PLD5: variants seen among roughly 807,000 people sequenced by gnomAD.
PLD5 encodes the protein inactive phospholipase D5.
A neutral mutation model predicts 61.1 loss-of-function variants in PLD5; 36 were observed. That is an observed-to-expected ratio of 0.59 (90% confidence interval 0.45 to 0.78). PLD5 has a LOEUF of 0.78. Among genes scored for constraint, PLD5 ranks in the 30% least tolerant of loss-of-function variants. The pLI is 0.00. For missense variants in PLD5, 515 were observed against 644.4 expected (o/e 0.80, Z 2.17); for synonymous variants, 243 against 242.8 (o/e 1.00, Z -0.01).
chr1:242,318,904 G>A (rs144309986), intron 2 of PLD5, among the ~76,000 whole-genome samples: 1,889 of 152,260 alleles, frequency 0.012, 117 homozygotes, highest in Admixed American at 0.11. Flanking sequence ...ACAGAGGTAG[G>A]AGAGGCTAAA....
chr1:242,393,732 A>T (rs1050202851), intron 1 of PLD5, among the ~76,000 whole-genome samples: 2 of 144,644 alleles, frequency 1.4e-5, no homozygotes, highest in Non-Finnish European at 3.0e-5. Flanking sequence ...ATATGTGTGT[A>T]TATATGAGTA....
intron 5 of PLD5, among the ~76,000 whole-genome samples, chr1:242,135,162 C>T (rs931240483): frequency 3.9e-5 from 6 of 152,100 alleles, no homozygotes; most frequent in Non-Finnish European, 8.8e-5. Flanking sequence ...TGTGTGTATA[C>T]AGACATATGT....
Position 242,399,955 on chromosome 1 carries a change from G to A in PLD5, c.190-51713C>T, listed in dbSNP as rs148236260. ...AGGCTGAGGATGGTGGATCACTTGAGGTCAGGAGTTCAAGACCAGCCTGAC... is the reference window on the plus strand; with the variant it reads ...AGGCTGAGGATGGTGGATCACTTGAAGTCAGGAGTTCAAGACCAGCCTGAC... On this transcript the variant is annotated intron_variant, in intron 1 of 9. Coordinates refer to ENST00000536534, the MANE Select transcript of PLD5 (RefSeq NM_001372062.1). 1.2e-3 allele frequency among the ~76,000 whole-genome samples: 188 copies of A among 152,212 alleles called. 3 individuals carry two copies. In the East Asian group the frequency reaches 0.026, roughly 21 times the overall value.
At chr1:242,438,442 T>C (rs1465303585) in intron 1 of PLD5, among the ~76,000 whole-genome samples, 1 of 141,982 alleles carries the variant, frequency 7.0e-6, no homozygotes, top group African/African-American at 2.6e-5. Flanking sequence ...TTTTTTTCTT[T>C]TTTTTTTTTT....
intron 1 of PLD5, among the ~76,000 whole-genome samples, chr1:242,487,165 A>G (rs1398724319): frequency 6.6e-6 from 1 of 152,170 alleles, no homozygotes; most frequent in African/African-American, 2.4e-5. Context: ...TACATATGTA[A>G]CAAACCTGCA....
chr1:242,426,080 C>T (rs2796074), intron 1 of PLD5, among the ~76,000 whole-genome samples: 40,266 of 151,778 alleles, frequency 0.27, 5,639 homozygotes, highest in Admixed American at 0.31. Context: ...ATTCTTTTTT[C>T]TATATTTTAA....
At chr1:242,509,298 G>A (rs1482677518) in intron 1 of PLD5, among the ~76,000 whole-genome samples, 3 of 151,940 alleles carry the variant, frequency 2.0e-5, no homozygotes, top group Non-Finnish European at 2.9e-5. Context: ...AGAATTGCTT[G>A]AACCCAGGAG....
At chr1:242,153,379 C>T (rs1665095676) in intron 5 of PLD5, among the ~76,000 whole-genome samples, 1 of 150,882 alleles carries the variant, frequency 6.6e-6, no homozygotes, top group Admixed American at 6.6e-5. Context: ...TCAATTTTGG[C>T]TTTTGTTTCC....
chr1:242,160,809 C>T (rs955214913), intron 5 of PLD5, among the ~76,000 whole-genome samples: 4 of 151,910 alleles, frequency 2.6e-5, no homozygotes, highest in Admixed American at 6.6e-5. Context: ...TGCTTGAATC[C>T]GGGAGATGGA....
At chr1:242,389,012 G>T (rs896148435) in intron 1 of PLD5, among the ~76,000 whole-genome samples, 1 of 148,720 alleles carries the variant, frequency 6.7e-6, no homozygotes, top group Non-Finnish European at 1.5e-5. Context: ...CCAAGATTGC[G>T]CCACTGCACT....
chr1:242,174,696 A>G (rs1666997216), intron 5 of PLD5, among the ~76,000 whole-genome samples: 1 of 152,214 alleles, frequency 6.6e-6, no homozygotes, highest in Non-Finnish European at 1.5e-5. Context: ...TGGCACATAT[A>G]CACCATGGAA....
At chr1:242,489,375 TA>T (rs11353482) in intron 1 of PLD5, among the ~76,000 whole-genome samples, 55,527 of 145,022 alleles carry the variant, frequency 0.38, 10,688 homozygotes, top group Admixed American at 0.47. Flanking sequence ...TACATTTGAT[TA>T]AAAAAAAAAA....
intron 5 of PLD5, among the ~76,000 whole-genome samples, chr1:242,152,778 C>T (rs1280856920): frequency 1.3e-5 from 2 of 152,040 alleles, no homozygotes; most frequent in Non-Finnish European, 2.9e-5. Flanking sequence ...TGGGTTGGTT[C>T]CAAGTCTTTG....
intron 1 of PLD5, among the ~76,000 whole-genome samples, chr1:242,442,376 C>T (rs1389162048): frequency 6.6e-6 from 1 of 152,184 alleles, no homozygotes; most frequent in African/African-American, 2.4e-5. Context: ...TCAAGATTTC[C>T]ATCTACGTGC....
At chr1:242,287,020 T>G (rs990656078) in intron 3 of PLD5, among the ~76,000 whole-genome samples, 104 of 152,160 alleles carry the variant, frequency 6.8e-4, no homozygotes, top group African/African-American at 2.5e-3. Context: ...TGCTCCTCCC[T>G]TCCTGGACTT....
chr1:242,132,361 T>G (rs1663365203), intron 5 of PLD5, among the ~76,000 whole-genome samples: 1 of 152,152 alleles, frequency 6.6e-6, no homozygotes, highest in African/African-American at 2.4e-5. Context: ...TTCTTTGCTG[T>G]AATTCAGAAT....
At position 242,394,434 on chromosome 1, in the gene PLD5, GTA is replaced by G. The variant is rs1341377792; in HGVS notation, c.190-46194_190-46193del. 9.7e-5 allele frequency among the ~76,000 whole-genome samples: 10 copies of G among 103,158 alleles called. 3 individuals carry two copies. The highest frequency in any genetic ancestry group is 3.0e-4 in the African/African-American group (7 of 23,496). 67.7% of individuals were successfully genotyped at this position (103,158 alleles called of 152,430 possible). On this transcript the variant is annotated intron_variant, in intron 1 of 9. Coordinates refer to ENST00000536534, the MANE Select transcript of PLD5 (RefSeq NM_001372062.1). ...TATGAGTATATATGTGTGTATATGAGTATATATGTGTGTATATGAGTATATAT... is the reference window on the plus strand; with the variant it reads ...TATGAGTATATATGTGTGTATATGAGTATATGTGTGTATATGAGTATATAT...
intron 1 of PLD5, among the ~76,000 whole-genome samples, chr1:242,490,287 A>G (rs1158543098): frequency 6.6e-6 from 1 of 152,244 alleles, no homozygotes; most frequent in Non-Finnish European, 1.5e-5. Flanking sequence ...GTCATTTGTA[A>G]TAAACCCAGA....
intron 1 of PLD5, among the ~76,000 whole-genome samples, chr1:242,434,998 G>A (rs1430862925): frequency 6.6e-6 from 1 of 151,922 alleles, no homozygotes; most frequent in Non-Finnish European, 1.5e-5. Context: ...AAGCCCGTAT[G>A]CATTAGCTAT....
Sources: allele counts gnomAD v4.1 joint callset (sites outside exome capture counted in the v4.1 genomes callset), GRCh38; gene constraint gnomAD v4.1.1; transcripts MANE v1.5; gene names NCBI Gene and HGNC (gene_info 2026-07-23, HGNC 2026-07-21).